Variants in DHRSX observed in about 807,000 individuals in gnomAD.
DHRSX encodes dehydrogenase/reductase X-linked.
A neutral mutation model predicts 34.0 loss-of-function variants in DHRSX; 31 were observed. That is an observed-to-expected ratio of 0.91 (90% CI 0.69 to 1.23). DHRSX has a LOEUF of 1.23. Ranked by LOEUF, DHRSX falls within the 50% of genes most tolerant of loss-of-function variation. The pLI, the probability that DHRSX is intolerant of heterozygous loss-of-function variation, is 0.00. For synonymous variants in DHRSX, 201 were observed against 183.8 expected, an observed-to-expected ratio of 1.09 and a Z score of -0.76; for missense variants, 414 against 428.1, an observed-to-expected ratio of 0.97 and a Z score of 0.29.
At chrX:2,378,693 A>G (rs1051253732) in intron 3 of DHRSX, among the ~76,000 whole-genome samples, 19 of 151,646 alleles carry the variant, frequency 1.3e-4, no homozygotes, top group Admixed American at 9.9e-4. Context: ...TTTTTGAGAC[A>G]GAGTTGTGCT....
At chrX:2,383,296 C>T (rs1243961173) in intron 3 of DHRSX, among the ~76,000 whole-genome samples, 1 of 151,752 alleles carries the variant, frequency 6.6e-6, no homozygotes, top group Non-Finnish European at 1.5e-5. Flanking sequence ...TCATCACTAT[C>T]ATCACCATCA....
intron 3 of DHRSX, among the ~76,000 whole-genome samples, chrX:2,296,956 A>G (rs375550291): frequency 0.15 from 15,575 of 105,726 alleles, 1,250 homozygotes; most frequent in Non-Finnish European, 0.19. Context: ...AATAGGACCC[A>G]GGCAGATAGA....
chrX:2,319,855 T>G (rs2042286898), intron 3 of DHRSX, among the ~76,000 whole-genome samples: 1 of 151,618 alleles, frequency 6.6e-6, no homozygotes. Flanking sequence ...CGAGGTGGAG[T>G]TTCCCTCTTG....
chrX:2,288,235 T>G (rs1247410023), intron 4 of DHRSX, among the ~76,000 whole-genome samples: 2 of 151,912 alleles, frequency 1.3e-5, no homozygotes, highest in Non-Finnish European at 2.9e-5. Context: ...CTGGCTTTGT[T>G]GTTGTTTTTG....
In DHRSX at chrX:2,488,749, C is replaced by T. The variant is rs771454151; in HGVS notation, c.109+12068G>A. 72 of 1,613,834 alleles carry T rather than the reference C, an allele frequency of 4.5e-5. 1 individual carries two copies. In the South Asian group the frequency reaches 5.7e-4, roughly 13 times the overall value. ...CCCCCTCGTCCTGGTCCTCGGGTTC[C>T]GCCTCTGCCCCACTCCGGGCGTTCT... On this transcript the variant is annotated intron_variant, in intron 1 of 6. Transcript: ENST00000334651.
chrX:2,407,037 A>C (rs2043563937), intron 3 of DHRSX, among the ~76,000 whole-genome samples: 1 of 152,208 alleles, frequency 6.6e-6, no homozygotes, highest in Non-Finnish European at 1.5e-5. Flanking sequence ...AACACACGAA[A>C]GCATAAAGAA....
rs773680289 is a variant in DHRSX, at chrX:2,266,836, T to C, written c.500A>G (p.Lys167Arg). Residue 167 changes from lysine to arginine, a missense_variant, in exon 5 of 7, where the codon AAA (lysine) becomes AGA (arginine). Transcript: ENST00000334651. ...LLTNLLLDTL[K>R]ESGSPGHSAR... is the part of the protein sequence containing the mutation. ...ACTGTGGCCAGGGGACCCAGACTCTTTCAGCGTATCCAAGAGAAGGTTGGT... is the reference window on the plus strand; with the variant it reads ...ACTGTGGCCAGGGGACCCAGACTCTCTCAGCGTATCCAAGAGAAGGTTGGT... 16 of 1,613,844 alleles carry C rather than the reference T, an allele frequency of 9.9e-6. No individual in the cohort carries two copies. Among genetic ancestry groups the C allele is most frequent in the Admixed American group, 1.7e-5 (1 of 59,994 alleles).
At chrX:2,459,614 C>T (rs1443569148) in intron 1 of DHRSX, among the ~76,000 whole-genome samples, 6 of 149,170 alleles carry the variant, frequency 4.0e-5, no homozygotes, top group Admixed American at 2.7e-4. Flanking sequence ...CACACACACA[C>T]AATTATTTTT....
intron 6 of DHRSX, among the ~76,000 whole-genome samples, chrX:2,242,771 G>A (rs1384805712): frequency 6.6e-6 from 1 of 152,004 alleles, no homozygotes; most frequent in Non-Finnish European, 1.5e-5. Context: ...TCCCCCCCTC[G>A]TTTAGCATAT....
chrX:2,316,942 A>T (rs768655945), intron 3 of DHRSX, among the ~76,000 whole-genome samples: 2 of 152,246 alleles, frequency 1.3e-5, no homozygotes, highest in Non-Finnish European at 2.9e-5. Context: ...CAGTCACCAT[A>T]GGACCTGTGC....
chrX:2,297,026 C>T (rs2041942931), intron 3 of DHRSX, among the ~76,000 whole-genome samples: 2 of 151,866 alleles, frequency 1.3e-5, no homozygotes, highest in Non-Finnish European at 2.9e-5. Flanking sequence ...CAGATAGACC[C>T]AGGCAGATAG....
intron 1 of DHRSX, among the ~76,000 whole-genome samples, chrX:2,450,150 CAATA>C (rs67396748): frequency 0.61 from 91,583 of 150,478 alleles, 29,678 homozygotes; most frequent in African/African-American, 0.84. Context: ...AAAAAAGTAC[CAATA>C]AATAAATAAA....
chrX:2,273,598 C>A (rs1161220533), intron 4 of DHRSX, among the ~76,000 whole-genome samples: 1 of 152,178 alleles, frequency 6.6e-6, no homozygotes, highest in Non-Finnish European at 1.5e-5. Context: ...GGCCACTGTA[C>A]CCAACAGGTG....
rs768710073 is a variant in DHRSX, at chrX:2,275,343, C to CAA, written c.389-8398_389-8397dup. The stretch of plus-strand genomic sequence containing the variant: ...TGAAACCCCGTCTCTACTAAAAATA[C>CAA]AAAAAAAAAAAAAAAATTAGCTGAG... On this transcript the variant is annotated intron_variant, in intron 4 of 6. Coordinates refer to ENST00000334651, the MANE Select transcript of DHRSX (RefSeq NM_145177.3). Among the ~76,000 whole-genome samples, 226 of 127,332 alleles carry CAA rather than the reference C, an allele frequency of 1.8e-3. 3 individuals are homozygous for CAA. The highest frequency in any genetic ancestry group is 3.9e-3 in the African/African-American group (140 of 35,818). The allele number at this position is 127,332 out of a possible 152,430, so 83.5% of individuals were successfully genotyped here. A position where few individuals can be genotyped will look rare whatever the true frequency, so the allele number is the denominator to read the frequency against.
intron 1 of DHRSX, among the ~76,000 whole-genome samples, chrX:2,481,536 G>C (rs2044771010): frequency 1.3e-5 from 2 of 151,928 alleles, no homozygotes; most frequent in South Asian, 4.1e-4. Context: ...TGTGGTGGCA[G>C]ACACCTGTAA....
chrX:2,320,298 C>CT (rs767394558), intron 3 of DHRSX, among the ~76,000 whole-genome samples: 5,043 of 100,262 alleles, frequency 0.05, 324 homozygotes, highest in African/African-American at 0.16. Context: ...CTTTTCTTTT[C>CT]TTTTTTTTTT....
chrX:2,237,898 C>T (rs1381132360), intron 6 of DHRSX, among the ~76,000 whole-genome samples: 1 of 151,970 alleles, frequency 6.6e-6, no homozygotes, highest in Non-Finnish European at 1.5e-5. Flanking sequence ...GAGGGGTATA[C>T]ATTGTAGGGG....
chrX:2,441,867 T>A (rs1411433246), intron 1 of DHRSX, among the ~76,000 whole-genome samples: 1 of 151,776 alleles, frequency 6.6e-6, no homozygotes, highest in Non-Finnish European at 1.5e-5. Context: ...GGTCAGGAGT[T>A]CAAGACCAGC....
chrX:2,457,713 A>T (rs771356694), intron 1 of DHRSX, among the ~76,000 whole-genome samples: 1 of 151,498 alleles, frequency 6.6e-6, no homozygotes, highest in South Asian at 2.1e-4. Context: ...CACACTGAAG[A>T]CGTTCCCTAA....
Sources: gnomAD v4.1 joint callset for allele counts (sites outside exome capture counted in the v4.1 genomes callset) on GRCh38, gnomAD v4.1.1 for gene constraint, MANE v1.5 for transcripts, NCBI Gene and HGNC (gene_info 2026-07-23, HGNC 2026-07-21) for gene names.